Variants in ATP9B observed in about 807,000 individuals in gnomAD.
ATP9B encodes probable phospholipid-transporting ATPase IIB.
ATP9B carries 110 observed loss-of-function variants against 146.1 expected under a neutral mutation model. The ratio of observed to expected loss-of-function variants is 0.75; its 90% confidence interval spans 0.65 to 0.88. The LOEUF is 0.88. Ranked by LOEUF, ATP9B falls within the 40% of genes least tolerant of loss-of-function variation. The pLI is 0.00. For synonymous variants in ATP9B, 604 were observed against 569.7 expected (o/e 1.06, Z -0.86); for missense variants, 1,499 against 1,496.4 (o/e 1.00, Z -0.03).
At chr18:79,347,362 T>G (rs138370424) in intron 23 of ATP9B, among the ~76,000 whole-genome samples, 1 of 152,226 alleles carries the variant, frequency 6.6e-6, no homozygotes, top group Non-Finnish European at 1.5e-5. Context: ...AAAACAGAAT[T>G]GTCTTGAAGC....
chr18:79,133,886 T>C (rs1267862100), intron 5 of ATP9B, among the ~76,000 whole-genome samples: 1 of 152,224 alleles, frequency 6.6e-6, no homozygotes, highest in Non-Finnish European at 1.5e-5. Flanking sequence ...GCCCTGCAGC[T>C]CCTGGCCTGG....
chr18:79,105,190 A>T (rs2075573609), intron 2 of ATP9B, among the ~76,000 whole-genome samples: 2 of 152,240 alleles, frequency 1.3e-5, no homozygotes, highest in Non-Finnish European at 2.9e-5. Flanking sequence ...TTTAGCAAGT[A>T]GATTGGTCTT....
At chr18:79,078,595 C>T (rs1233974839) in intron 1 of ATP9B, among the ~76,000 whole-genome samples, 1 of 150,396 alleles carries the variant, frequency 6.6e-6, no homozygotes, top group Non-Finnish European at 1.5e-5. Context: ...TTCATTTACT[C>T]ATTTTTAACA....
chr18:79,301,729 A>G (rs573194403), intron 13 of ATP9B, among the ~76,000 whole-genome samples: 2 of 152,366 alleles, frequency 1.3e-5, no homozygotes, highest in African/African-American at 4.8e-5. Context: ...GAGCACAGCC[A>G]GTTTAAAGGT....
rs555303211 is a variant in ATP9B, at chr18:79,141,036, C to T, written c.668-2766C>T. On this transcript the variant is annotated intron_variant, in intron 5 of 29. Coordinates refer to ENST00000426216, the MANE Select transcript of ATP9B (RefSeq NM_198531.5). The stretch of plus-strand genomic sequence containing the variant: ...CTGTTGTTACCTTACTTGGCGATAC[C>T]GTTTGGCTGTGTCCCCACCCAAATC... 1.8e-4 allele frequency among the ~76,000 whole-genome samples: 28 copies of T among 152,146 alleles called. No individual in the cohort carries two copies. In the East Asian group the frequency reaches 3.9e-3, roughly 21 times the overall value.
At chr18:79,139,804 C>T (rs57078399) in intron 5 of ATP9B, among the ~76,000 whole-genome samples, 26,552 of 152,080 alleles carry the variant, frequency 0.17, 2,814 homozygotes, top group African/African-American at 0.3. Context: ...TAACCATCCT[C>T]GCTTCCCCCC....
intron 10 of ATP9B, among the ~76,000 whole-genome samples, chr18:79,208,223 C>T (rs760003433): frequency 1.6e-4 from 24 of 152,162 alleles, no homozygotes; most frequent in Non-Finnish European, 2.1e-4. Context: ...CTAGCCTGGG[C>T]GACAGAGCGA....
chr18:79,268,425 T>G (rs1468238503), intron 12 of ATP9B, among the ~76,000 whole-genome samples: 5 of 152,212 alleles, frequency 3.3e-5, no homozygotes, highest in Non-Finnish European at 7.4e-5. Flanking sequence ...TTCAATATTT[T>G]TCTCCTTTCT....
intron 13 of ATP9B, among the ~76,000 whole-genome samples, chr18:79,286,570 A>G (rs541413642): frequency 1.2e-4 from 19 of 152,234 alleles, no homozygotes; most frequent in Non-Finnish European, 2.6e-4. Flanking sequence ...GCAAACAGGG[A>G]CAGTTTGACT....
intron 7 of ATP9B, among the ~76,000 whole-genome samples, chr18:79,172,109 G>C (rs566841464): frequency 3.6e-4 from 55 of 152,338 alleles, no homozygotes; most frequent in African/African-American, 1.1e-3. Flanking sequence ...GGCTGGTCTC[G>C]AGCTCCTGAC....
chr18:79,286,388 T>C (rs1369823620), intron 13 of ATP9B, among the ~76,000 whole-genome samples: 1 of 150,832 alleles, frequency 6.6e-6, no homozygotes, highest in African/African-American at 2.4e-5. Flanking sequence ...CAATTGTGAA[T>C]GGGAGTTCAC....
At chr18:79,138,822 G>A (rs969083523) in intron 5 of ATP9B, among the ~76,000 whole-genome samples, 17 of 134,846 alleles carry the variant, frequency 1.3e-4, no homozygotes, top group African/African-American at 3.5e-4. Context: ...GGCTCCTGCC[G>A]TATTCATAGA....
intron 28 of ATP9B, among the ~76,000 whole-genome samples, chr18:79,374,758 C>T (rs1349249400): frequency 6.6e-6 from 1 of 152,250 alleles, no homozygotes; most frequent in Admixed American, 6.5e-5. Context: ...ACCCGTGGCT[C>T]ATAAGAAATG....
At chr18:79,222,807 AG>A (rs1372402274) in intron 11 of ATP9B, among the ~76,000 whole-genome samples, 3 of 152,228 alleles carry the variant, frequency 2.0e-5, no homozygotes, top group Non-Finnish European at 4.4e-5. Flanking sequence ...ATTTGGTGAA[AG>A]TTCAAATTAC....
rs761848479 is a variant in ATP9B, at chr18:79,342,407, G to C, written c.2382+41G>C. Reference sequence around the variant, plus strand: ...AATCACTTTGAATTTTTAAACATTTGTCTCACACAAACGAAGCCTATTGTT... The same window carrying C: ...AATCACTTTGAATTTTTAAACATTTCTCTCACACAAACGAAGCCTATTGTT... On this transcript the variant is annotated intron_variant, in intron 20 of 29. Coordinates refer to ENST00000426216, the MANE Select transcript of ATP9B (RefSeq NM_198531.5). 2.9e-6 allele frequency: 4 copies of C among 1,391,458 alleles called. No homozygotes were observed. In the South Asian group the frequency reaches 4.8e-5, roughly 17 times the overall value. 86.2% of individuals were successfully genotyped at this position (1,391,458 alleles called of 1,614,324 possible).
At chr18:79,289,975 T>G (rs2096485127) in intron 13 of ATP9B, among the ~76,000 whole-genome samples, 1 of 152,068 alleles carries the variant, frequency 6.6e-6, no homozygotes, top group Non-Finnish European at 1.5e-5. Context: ...CTCTGGAAGT[T>G]TTGTCTCAGA....
At chr18:79,087,772 C>A (rs897113497) in intron 1 of ATP9B, 1 of 152,112 alleles carries the variant, frequency 6.6e-6, no homozygotes, top group African/African-American at 2.4e-5. Flanking sequence ...CTTGAGAGTT[C>A]CTAATTTTTT....
rs555430835 is a variant in ATP9B at position 79,115,375 on chromosome 18, C to A, written c.558+2021C>A. ...GTAATTTACAGATTCAATGCCATCC[C>A]CATCAAGCTACCAATGACTTTCTTC... is the stretch of plus-strand genomic sequence containing the variant. On this transcript the variant is annotated intron_variant, in intron 4 of 29. Coordinates refer to ENST00000426216, the MANE Select transcript of ATP9B (RefSeq NM_198531.5). 1.2e-3 allele frequency: 155 copies of A among 134,668 alleles called. 6 individuals carry two copies. The highest frequency in any genetic ancestry group is 4.6e-3 in the African/African-American group (147 of 31,726). 8.3% of individuals were successfully genotyped at this position (134,668 alleles called of 1,614,324 possible).
rs112295840 is a variant in ATP9B at position 79,276,777 on chromosome 18, T to C, written c.1269-277T>C. Among the ~76,000 whole-genome samples the C allele has an allele frequency of 6.6e-3, 1,005 of 152,358 alleles. 5 individuals are homozygous for C. The highest frequency in any genetic ancestry group is 0.023 in the African/African-American group (940 of 41,576). ...CTTAAATGTCAGTAAATACATTTAT[T>C]TTAAAGTCTAAAATCCAATATTATG... is the stretch of plus-strand genomic sequence containing the variant. On this transcript the variant is annotated intron_variant, in intron 12 of 29. Coordinates refer to ENST00000426216, the MANE Select transcript of ATP9B (RefSeq NM_198531.5).
Sources: gnomAD v4.1 joint callset for allele counts (sites outside exome capture counted in the v4.1 genomes callset) on GRCh38, gnomAD v4.1.1 for gene constraint, MANE v1.5 for transcripts, NCBI Gene and HGNC (gene_info 2026-07-23, HGNC 2026-07-21) for gene names.